ACACA: variants seen among roughly 807,000 people sequenced by gnomAD.
The protein encoded by ACACA is acetyl-CoA carboxylase 1.
A neutral mutation model predicts 296.1 loss-of-function variants in ACACA; 103 were observed. That is an observed-to-expected ratio of 0.35 (90% CI 0.30 to 0.41). The LOEUF is 0.41. Ranked by LOEUF, ACACA falls within the 10% of genes least tolerant of loss-of-function variation. The pLI is 1.00. For synonymous variants in ACACA, 953 were observed against 1,038.6 expected (o/e 0.92, Z 1.58); for missense variants, 1,554 against 2,989.7 (o/e 0.52, Z 11.20).
chr17:37,397,992 AGGCC>A (rs1179076640), intron 1 of ACACA, among the ~76,000 whole-genome samples: 2 of 152,086 alleles, frequency 1.3e-5, no homozygotes, highest in African/African-American at 4.8e-5. Flanking sequence ...GCACTTTGGG[AGGCC>A]GAGGCAGGTG....
intron 1 of ACACA, among the ~76,000 whole-genome samples, chr17:37,398,889 C>T (rs546922723): frequency 2.6e-3 from 383 of 145,694 alleles, no homozygotes; most frequent in Non-Finnish European, 4.5e-3. Context: ...GGGCTTTCAT[C>T]ATATCCTTAT....
Position 37,325,581 on chromosome 17 carries a change from T to TTC in ACACA, c.338+4591_338+4592insGA, listed in dbSNP as rs1186879348. ...TAGGGTCTTATTTTCTTTTCTTTCT[T>TTC]TTTTTTTTTTTTTTTTTTTTTTTGC... On this transcript the variant is annotated intron_variant, in intron 3 of 55. Coordinates refer to ENST00000616317, the MANE Select transcript of ACACA (RefSeq NM_198834.3). Among the ~76,000 whole-genome samples, 10 of 116,030 alleles carry TTC rather than the reference T, an allele frequency of 8.6e-5. No homozygotes were observed. In the East Asian group the frequency reaches 2.2e-3, roughly 25 times the overall value. 76.1% of individuals were successfully genotyped at this position (116,030 alleles called of 152,430 possible). A position where few individuals can be genotyped will look rare whatever the true frequency, so the allele number is the denominator to read the frequency against.
At chr17:37,365,753 A>G in intron 1 of ACACA, 13 of 985,258 alleles carry the variant, frequency 1.3e-5, no homozygotes, top group Non-Finnish European at 1.6e-5. Context: ...GTCTGGTCCT[A>G]ATGATGAAAG....
intron 45 of ACACA, chr17:37,143,525 T>A: frequency 2.3e-6 from 1 of 440,782 alleles, no homozygotes. Flanking sequence ...AAGACACTTT[T>A]GGTAGTGTGT....
chr17:37,136,185 G>T (rs1374750805), intron 45 of ACACA, among the ~76,000 whole-genome samples: 1 of 152,002 alleles, frequency 6.6e-6, no homozygotes, highest in Non-Finnish European at 1.5e-5. Flanking sequence ...AAGATAGAGA[G>T]CATTTTCATC....
At chr17:37,388,876 A>G in intron 1 of ACACA, 1 of 1,521,764 alleles carries the variant, frequency 6.6e-7, no homozygotes, top group African/African-American at 1.4e-5. Context: ...GCATAAGGAG[A>G]AAAGCATAGA....
At chr17:37,159,755 C>T (rs1047856535) in intron 42 of ACACA, among the ~76,000 whole-genome samples, 1 of 152,060 alleles carries the variant, frequency 6.6e-6, no homozygotes, top group African/African-American at 2.4e-5. Context: ...TAGGTAGCCA[C>T]CACCACAATC....
chr17:37,174,873 C>T (rs1221050605), intron 41 of ACACA, among the ~76,000 whole-genome samples: 1 of 152,106 alleles, frequency 6.6e-6, no homozygotes, highest in Admixed American at 6.6e-5. Context: ...CCCAGAAAAA[C>T]TTTTATACCA....
chr17:37,102,613 C>T (rs1033880189), intron 52 of ACACA, among the ~76,000 whole-genome samples: 2 of 152,192 alleles, frequency 1.3e-5, no homozygotes, highest in African/African-American at 4.8e-5. Flanking sequence ...AGATATCCTG[C>T]AGTGGCCACT....
At chr17:37,105,150 G>A (rs1439832861) in intron 52 of ACACA, among the ~76,000 whole-genome samples, 4 of 152,060 alleles carry the variant, frequency 2.6e-5, no homozygotes, top group Non-Finnish European at 5.9e-5. Flanking sequence ...AATCAGACTG[G>A]TAGACTAAAA....
intron 28 of ACACA, among the ~76,000 whole-genome samples, chr17:37,222,479 T>C (rs892895534): frequency 6.6e-6 from 1 of 151,790 alleles, no homozygotes; most frequent in African/African-American, 2.4e-5. Context: ...AAAATAAATA[T>C]AAATTAAAAA....
intron 3 of ACACA, chr17:37,329,072 A>G: frequency 2.5e-6 from 1 of 397,468 alleles, no homozygotes; most frequent in Non-Finnish European, 4.4e-6. Flanking sequence ...TAGTGTTACT[A>G]TGTACTGACA....
intron 45 of ACACA, among the ~76,000 whole-genome samples, chr17:37,139,031 G>T (rs1352962466): frequency 6.6e-6 from 1 of 152,122 alleles, no homozygotes. Flanking sequence ...GGCTGGGGTT[G>T]GGGGAGAAGA....
intron 5 of ACACA, among the ~76,000 whole-genome samples, chr17:37,282,200 G>A (rs2082569832): frequency 1.3e-5 from 2 of 152,158 alleles, no homozygotes; most frequent in Non-Finnish European, 2.9e-5. Flanking sequence ...GTTCACATGA[G>A]ATCTGGTTGT....
chr17:37,202,716 C>T (rs1339568350), intron 33 of ACACA, among the ~76,000 whole-genome samples: 7,802 of 16,986 alleles, frequency 0.46, 805 homozygotes, highest in Non-Finnish European at 0.47. Context: ...TATATATACA[C>T]ACACACATAT....
intron 1 of ACACA, among the ~76,000 whole-genome samples, chr17:37,354,901 G>A (rs750695394): frequency 2.0e-5 from 3 of 151,758 alleles, no homozygotes; most frequent in East Asian, 1.9e-4. Flanking sequence ...CACTCCATCC[G>A]GCCTGGGTGA....
At chr17:37,167,517 C>T (rs917257080) in intron 41 of ACACA, among the ~76,000 whole-genome samples, 3 of 151,628 alleles carry the variant, frequency 2.0e-5, no homozygotes, top group Non-Finnish European at 4.4e-5. Context: ...CGGGATTTCA[C>T]CATGTTGGCC....
chr17:37,091,262 C>G (rs2072611652), intron 54 of ACACA, among the ~76,000 whole-genome samples: 1 of 152,158 alleles, frequency 6.6e-6, no homozygotes, highest in South Asian at 2.1e-4. Context: ...GAAAAGTTCC[C>G]AGACAGGATT....
chr17:37,377,958 A>G (rs900218919), intron 1 of ACACA: 5 of 1,613,524 alleles, frequency 3.1e-6, no homozygotes, highest in Admixed American at 1.7e-5. Context: ...GAGAATTGCA[A>G]ATGCAAGGTA....
Sources: gnomAD v4.1 joint callset for allele counts (sites outside exome capture counted in the v4.1 genomes callset) on GRCh38, gnomAD v4.1.1 for gene constraint, MANE v1.5 for transcripts, NCBI Gene and HGNC (gene_info 2026-07-23, HGNC 2026-07-21) for gene names.